Variants in CTNND2 observed in about 807,000 individuals in gnomAD.
The protein encoded by CTNND2 is catenin delta 2.
In CTNND2, 22 loss-of-function variants were observed where a neutral mutation model predicts 144.4. The observed-to-expected ratio is 0.15, with a 90% CI of 0.11 to 0.22. The LOEUF (loss-of-function observed/expected upper bound fraction) is 0.22, where lower values mean the gene tolerates loss of function less well. CTNND2 is among the 10% of genes least tolerant of loss of function. CTNND2 has a pLI of 1.00. For missense variants in CTNND2, 1,353 were observed against 1,618.8 expected, an observed-to-expected ratio of 0.84 and a Z score of 2.82; for synonymous variants, 751 against 695.6, an observed-to-expected ratio of 1.08 and a Z score of -1.25.
At chr5:11,371,883 T>A (rs1305292281) in intron 7 of CTNND2, among the ~76,000 whole-genome samples, 1 of 152,200 alleles carries the variant, frequency 6.6e-6, no homozygotes, top group Admixed American at 6.5e-5. Flanking sequence ...AACCAAATAA[T>A]TCCAGTGTAA....
At chr5:11,794,902 A>G (rs1005064881) in intron 1 of CTNND2, among the ~76,000 whole-genome samples, 2 of 152,202 alleles carry the variant, frequency 1.3e-5, no homozygotes, top group African/African-American at 2.4e-5. Flanking sequence ...GGCTCAACAC[A>G]AAAAACTCAT....
At chr5:11,208,564 G>C (rs968748925) in intron 10 of CTNND2, among the ~76,000 whole-genome samples, 2 of 152,216 alleles carry the variant, frequency 1.3e-5, no homozygotes, top group Non-Finnish European at 2.9e-5. Context: ...GTATGGATTC[G>C]ATACCTAGAA....
intron 1 of CTNND2, among the ~76,000 whole-genome samples, chr5:11,744,433 C>G (rs1239322065): frequency 6.6e-6 from 1 of 152,100 alleles, no homozygotes; most frequent in Non-Finnish European, 1.5e-5. Flanking sequence ...CCCCTCAGAC[C>G]TGAGGACTGA....
chr5:11,659,788 A>T (rs1783093557), intron 2 of CTNND2, among the ~76,000 whole-genome samples: 1 of 152,100 alleles, frequency 6.6e-6, no homozygotes, highest in South Asian at 2.1e-4. Context: ...GCCTGAGAAC[A>T]GTTGCTTCAT....
intron 1 of CTNND2, among the ~76,000 whole-genome samples, chr5:11,820,110 C>T (rs1793231878): frequency 6.6e-6 from 1 of 152,140 alleles, no homozygotes; most frequent in Admixed American, 6.5e-5. Flanking sequence ...ATGTGAGTTC[C>T]CTGGTACTTT....
chr5:10,977,404 G>T (rs1228218682), intron 21 of CTNND2, among the ~76,000 whole-genome samples: 1 of 152,106 alleles, frequency 6.6e-6, no homozygotes, highest in African/African-American at 2.4e-5. Flanking sequence ...TGTAATTATG[G>T]GGTGGACTGG....
chr5:11,624,509 G>C (rs901872328), intron 2 of CTNND2, among the ~76,000 whole-genome samples: 1 of 152,028 alleles, frequency 6.6e-6, no homozygotes, highest in Admixed American at 6.6e-5. Context: ...ACAATGATCA[G>C]TCAAAATGTA....
intron 12 of CTNND2, among the ~76,000 whole-genome samples, chr5:11,121,200 C>T (rs148896131): frequency 9.5e-4 from 145 of 152,304 alleles, no homozygotes; most frequent in African/African-American, 2.4e-3. Flanking sequence ...AGATGTTTCA[C>T]TGTTTAAAAA....
In CTNND2 at chr5:11,104,572, G is replaced by T. The variant is rs573990212; in HGVS notation, c.2464-5824C>A. On this transcript the variant is annotated intron_variant, in intron 14 of 21. Coordinates refer to ENST00000304623, the MANE Select transcript of CTNND2 (RefSeq NM_001332.4). Reference sequence around the variant, plus strand: ...GCTTTTGGGGGGTTAAAGGTGGAAGGATAGAGGTGATGGGTATTCAAAAAC... The same window carrying T: ...GCTTTTGGGGGGTTAAAGGTGGAAGTATAGAGGTGATGGGTATTCAAAAAC... 2.0e-5 allele frequency among the ~76,000 whole-genome samples: 3 copies of T among 152,286 alleles called. No individual in the cohort carries two copies. The East Asian group carries it at 5.8e-4, about 29-fold the overall frequency.
chr5:11,889,941 T>C (rs1331927116), intron 1 of CTNND2, among the ~76,000 whole-genome samples: 3 of 152,216 alleles, frequency 2.0e-5, no homozygotes, highest in East Asian at 1.9e-4. Context: ...ACTTTTCTTT[T>C]AGTTGACAAT....
At chr5:11,632,198 T>G (rs1781446957) in intron 2 of CTNND2, among the ~76,000 whole-genome samples, 1 of 152,162 alleles carries the variant, frequency 6.6e-6, no homozygotes, top group African/African-American at 2.4e-5. Context: ...TTGGAACAAT[T>G]CTCAGAGACT....
intron 5 of CTNND2, among the ~76,000 whole-genome samples, 183 bp downstream of exon 5, chr5:11,411,353 T>C (rs1761515810): frequency 6.6e-6 from 1 of 152,154 alleles, no homozygotes; most frequent in Non-Finnish European, 1.5e-5. Context: ...TATACTCTAA[T>C]GTGAACTGAG....
At chr5:11,555,710 A>T (rs536528053) in intron 3 of CTNND2, among the ~76,000 whole-genome samples, 23 of 35,332 alleles carry the variant, frequency 6.5e-4, no homozygotes, top group East Asian at 2.8e-3. Flanking sequence ...GAATTAAAAT[A>T]AAAAAAAACA....
intron 16 of CTNND2, among the ~76,000 whole-genome samples, chr5:11,050,098 G>C (rs1220469876): frequency 6.6e-6 from 1 of 152,168 alleles, no homozygotes; most frequent in African/African-American, 2.4e-5. Flanking sequence ...GTATATTTTA[G>C]CCTATGGAAT....
chr5:10,991,018 G>A (rs1439318898), intron 19 of CTNND2, among the ~76,000 whole-genome samples: 1 of 152,172 alleles, frequency 6.6e-6, no homozygotes, highest in African/African-American at 2.4e-5. Flanking sequence ...TAAGCCTGCT[G>A]GAATTACAGA....
At chr5:11,551,747 C>T (rs1455706150) in intron 3 of CTNND2, among the ~76,000 whole-genome samples, 2 of 152,042 alleles carry the variant, frequency 1.3e-5, no homozygotes, top group Admixed American at 6.5e-5. Context: ...TACAGGCACC[C>T]GCCTCCACAT....
chr5:10,981,142 G>A (rs1322733769), intron 21 of CTNND2, among the ~76,000 whole-genome samples: 1 of 152,188 alleles, frequency 6.6e-6, no homozygotes, highest in Non-Finnish European at 1.5e-5. Flanking sequence ...ATGCAACTGT[G>A]CTGCAGAAAA....
intron 2 of CTNND2, among the ~76,000 whole-genome samples, chr5:11,697,588 A>G (rs563603052): frequency 6.6e-6 from 1 of 152,290 alleles, no homozygotes; most frequent in Non-Finnish European, 1.5e-5. Flanking sequence ...CTATTCAAGA[A>G]CCCCGCCTTA....
intron 1 of CTNND2, among the ~76,000 whole-genome samples, chr5:11,744,401 A>C (rs1384428969): frequency 2.6e-5 from 4 of 152,166 alleles, no homozygotes; most frequent in Admixed American, 2.6e-4. Flanking sequence ...GAACTGACAG[A>C]TCTCTCAACA....
Sources: allele counts gnomAD v4.1 joint callset (sites outside exome capture counted in the v4.1 genomes callset), GRCh38; gene constraint gnomAD v4.1.1; transcripts MANE v1.5; gene names NCBI Gene and HGNC (gene_info 2026-07-23, HGNC 2026-07-21).